The following MRPS2 variants were observed in gnomAD, a reference collection of about 807,000 sequenced individuals.
MRPS2 encodes the protein small ribosomal subunit protein uS2m.
A neutral mutation model predicts 18.9 loss-of-function variants in MRPS2; 13 were observed. The ratio of observed to expected loss-of-function variants is 0.69; its 90% CI spans 0.45 to 1.09. MRPS2 has a LOEUF of 1.09. Ranked by LOEUF, MRPS2 falls within the 50% of genes least tolerant of loss-of-function variation. MRPS2 has a pLI of 0.00. For missense variants in MRPS2, 389 were observed against 421.7 expected (o/e 0.92, Z 0.68); for synonymous variants, 186 against 178.4 (o/e 1.04, Z -0.34).
chr9:135,504,091 G>T lies in MRPS2; in HGVS notation c.849G>T (p.Gly283=). The change falls in exon 4 of 4, where the codon GGG becomes GGT. Residue 283 remains glycine (G), a synonymous_variant. Coordinates refer to ENST00000241600, the MANE Select transcript of MRPS2 (RefSeq NM_016034.5). This position sits in a 1 kb window ranked among gnomAD's most constrained non-coding sequence, Gnocchi z 4.3. ...LQGQKEPGDQ[G]PAHPPGADMS... Reference sequence around the variant, plus strand: ...GCCAGAAGGAGCCCGGGGACCAGGGGCCAGCCCACCCTCCTGGGGCTGACA... The same window carrying T: ...GCCAGAAGGAGCCCGGGGACCAGGGTCCAGCCCACCCTCCTGGGGCTGACA... 2 of 1,611,638 alleles carry T rather than the reference G, an allele frequency of 1.2e-6. No homozygotes were observed. The highest frequency in any genetic ancestry group is 2.2e-5 in the South Asian group (2 of 91,018).
rs985341290 is a variant in MRPS2, at chr9:135,501,343, G to A, written c.169+220G>A. On this transcript the variant is annotated intron_variant, in intron 2 of 3. Coordinates refer to ENST00000241600, the MANE Select transcript of MRPS2 (RefSeq NM_016034.5). ...ATGGATAGGGTGAGAGGGAGCGGGC[G>A]GGCCAGTGGTTAGCACAGGCTTCGC... 9 of 1,403,520 alleles carry A rather than the reference G, an allele frequency of 6.4e-6. No homozygotes were observed. The African/African-American group carries it at 1.0e-4, about 16-fold the overall frequency. 86.9% of individuals were successfully genotyped at this position (1,403,520 alleles called of 1,614,324 possible). A position where few individuals can be genotyped will look rare whatever the true frequency, so the allele number is the denominator to read the frequency against.
upstream of MRPS2, chr9:135,500,070 C>T (rs1331216421): frequency 9.3e-6 from 5 of 539,226 alleles, no homozygotes; most frequent in East Asian, 1.7e-4. Flanking sequence ...CAGCCCCAGG[C>T]CCCCAGCCAC....
upstream of MRPS2, chr9:135,500,122 C>T: frequency 4.3e-6 from 2 of 463,796 alleles, no homozygotes; most frequent in South Asian, 6.8e-5. Flanking sequence ...GGCGTGGACT[C>T]CCGGGCGAAA....
Position 135,501,949 on chromosome 9 carries a change from G to T in MRPS2, c.275G>T (p.Gly92Val), listed in dbSNP as rs1012491969. Residue 92 changes from glycine to valine, a missense_variant, in exon 3 of 4, where the codon GGA becomes GTA. Transcript: ENST00000241600. ...RSLFDARVHL[G>V]HKAGCRHRFM... Reference sequence around the variant, plus strand: ...CTCTTCGATGCCCGAGTCCATCTGGGACACAAAGCTGGCTGTCGGCACAGG... The same window carrying T: ...CTCTTCGATGCCCGAGTCCATCTGGTACACAAAGCTGGCTGTCGGCACAGG... 6.2e-7 allele frequency: 1 copy of T among 1,613,708 alleles called. No individual in the cohort carries two copies. The highest frequency in any genetic ancestry group is 8.5e-7 in the Non-Finnish European group (1 of 1,180,000).
At chr9:135,501,500 G>A in intron 2 of MRPS2, 1 of 807,948 alleles carries the variant, frequency 1.2e-6, no homozygotes, top group Non-Finnish European at 1.7e-6. Context: ...CTTTCTGGCT[G>A]GCCACCTGAG....
chr9:135,500,946 G>A, intron 1 of MRPS2, 52 bp from the exon 2 acceptor site: 1 of 1,604,712 alleles, frequency 6.2e-7, no homozygotes, highest in Non-Finnish European at 8.5e-7. Flanking sequence ...GTGGGGAGCG[G>A]GCGTGGTGCA....
rs767962017 is a variant in MRPS2 at position 135,501,076 on chromosome 9, T to G, written c.122T>G (p.Leu41Arg). Residue 41 changes from leucine (L) to arginine (R), a missense_variant, in exon 2 of 4, where the codon CTT becomes CGT. Physicochemically the swap from Leu to Arg is moderately radical, Grantham distance 102 (BLOSUM62 -2). Transcript: ENST00000241600. ...PRPARPSRRT[L>R]GSATALMIRE... is the part of the protein sequence containing the mutation. ...CCTGCTCGGCCGAGCCGCAGGACGC[T>G]TGGAAGCGCGACGGCCCTTATGATC... The G allele has an allele frequency of 1.2e-6, 2 of 1,609,740 alleles. No homozygotes were observed. The highest frequency in any genetic ancestry group is 4.5e-5 in the East Asian group (2 of 44,756).
At chr9:135,503,042 C>T (rs2119363406) in intron 3 of MRPS2, 1 of 949,968 alleles carries the variant, frequency 1.1e-6, no homozygotes, top group Non-Finnish European at 1.3e-6. Context: ...CCGCTTTTCT[C>T]AGCCCAGGCC....
Position 135,504,144 on chromosome 9 carries a change from C to G in MRPS2, c.*11C>G, listed in dbSNP as rs1291560545. On this transcript the variant is annotated 3_prime_UTR_variant, in exon 4 of 4. Coordinates refer to ENST00000241600, the MANE Select transcript of MRPS2 (RefSeq NM_016034.5). The surrounding 1 kb of genome is among the most constrained non-coding windows in gnomAD (Gnocchi z 4.3). ...AGCCATTCCCTGTGATGTTCACTCT[C>G]CTCCCAAAGCAAACCACAGCCAAGC... 1.9e-6 allele frequency: 3 copies of G among 1,568,014 alleles called. No individual in the cohort carries two copies. Among genetic ancestry groups the G allele is most frequent in the Non-Finnish European group, 2.6e-6 (3 of 1,160,958 alleles).
rs948222530 is a variant in MRPS2 at position 135,502,169 on chromosome 9, T to G, written c.299+196T>G. On this transcript the variant is annotated intron_variant, in intron 3 of 3. Transcript: ENST00000241600. Reference sequence around the variant, plus strand: ...AGCTTGGCGGACGCTCTTGTGTGCCTTGGTGTGGCGCTCACAGCCCTTGAT... The same window carrying G: ...AGCTTGGCGGACGCTCTTGTGTGCCGTGGTGTGGCGCTCACAGCCCTTGAT... 2.9e-6 allele frequency: 4 copies of G among 1,389,144 alleles called. No homozygotes were observed. In the East Asian group the frequency reaches 1.1e-4, roughly 39 times the overall value. The allele number at this position is 1,389,144 out of a possible 1,614,324, so 86.1% of individuals were successfully genotyped here. A position where few individuals can be genotyped will look rare whatever the true frequency, so the allele number is the denominator to read the frequency against.
chr9:135,501,948 G>A lies in MRPS2; in HGVS notation c.274G>A (p.Gly92Arg). Residue 92 changes from glycine to arginine, a missense_variant, in exon 3 of 4, where the codon GGA becomes AGA. Transcript: ENST00000241600. ...RSLFDARVHL[G>R]HKAGCRHRFM... ...CCTCTTCGATGCCCGAGTCCATCTG[G>A]GACACAAAGCTGGCTGTCGGCACAG... 1 of 1,613,660 alleles carries A rather than the reference G, an allele frequency of 6.2e-7. No individual in the cohort carries two copies. Among genetic ancestry groups the A allele is most frequent in the Non-Finnish European group, 8.5e-7 (1 of 1,179,984 alleles).
Position 135,504,447 on chromosome 9 carries a change from C to A in MRPS2, c.*314C>A. On this transcript the variant is annotated 3_prime_UTR_variant, in exon 4 of 4. Transcript: ENST00000241600. This position sits in a 1 kb window ranked among gnomAD's most constrained non-coding sequence, Gnocchi z 4.3. ...TGCTGTCCCTGTGATCCCAGCAGCCCTCCCTTCACCGTGACCCCTGACCTT... is the reference window on the plus strand; with the variant it reads ...TGCTGTCCCTGTGATCCCAGCAGCCATCCCTTCACCGTGACCCCTGACCTT... 1 of 389,968 alleles carries A rather than the reference C, an allele frequency of 2.6e-6. No homozygotes were observed. Among genetic ancestry groups the A allele is most frequent in the Non-Finnish European group, 4.6e-6 (1 of 216,448 alleles). 24.2% of individuals were successfully genotyped at this position (389,968 alleles called of 1,614,324 possible).
intron 1 of MRPS2, 79 bp downstream of exon 1, chr9:135,500,832 G>A: frequency 6.7e-7 from 1 of 1,490,384 alleles, no homozygotes; most frequent in Non-Finnish European, 8.9e-7. Flanking sequence ...ATGGAGCGGC[G>A]GGGACGTGGA....
chr9:135,501,915 G>A lies in MRPS2; in HGVS notation c.241G>A (p.Val81Met). ...CTTCAATGTCAAGGAACTGTTTTCCGTGAGAAGCCTCTTCGATGCCCGAGT... is the reference window on the plus strand; with the variant it reads ...CTTCAATGTCAAGGAACTGTTTTCCATGAGAAGCCTCTTCGATGCCCGAGT... ...DFFNVKELFS[V>M]RSLFDARVHL... is the part of the protein sequence containing the mutation. Residue 81 changes from valine to methionine, a missense_variant, in exon 3 of 4, where the codon GTG (valine) becomes ATG (methionine). Physicochemically the swap from Val to Met is conservative, Grantham distance 21. Coordinates refer to ENST00000241600, the MANE Select transcript of MRPS2 (RefSeq NM_016034.5). 1 of 1,613,840 alleles carries A rather than the reference G, an allele frequency of 6.2e-7. No individual in the cohort carries two copies. Among genetic ancestry groups the A allele is most frequent in the African/African-American group, 1.3e-5 (1 of 75,052 alleles).
At chr9:135,500,819 C>G in intron 1 of MRPS2, 66 bp downstream of exon 1, 1 of 1,489,434 alleles carries the variant, frequency 6.7e-7, no homozygotes, top group Non-Finnish European at 8.9e-7. Context: ...GCGCGGGGAC[C>G]CGATGGAGCG....
At chr9:135,501,569 TCTC>T in intron 2 of MRPS2, 2 of 1,094,390 alleles carry the variant, frequency 1.8e-6, no homozygotes, top group South Asian at 4.1e-5. Flanking sequence ...CCTCTCTTTT[TCTC>T]CTCTGTCTTC....
In MRPS2 at chr9:135,501,518, G is replaced by A. The variant is rs538666526; in HGVS notation, c.170-326G>A. On this transcript the variant is annotated intron_variant, in intron 2 of 3. Coordinates refer to ENST00000241600, the MANE Select transcript of MRPS2 (RefSeq NM_016034.5). ...TCTGGCTGGCCACCTGAGACCACAA[G>A]GCGGGGAGGTGCCAGAAAGACCTGA... The A allele has an allele frequency of 7.3e-6, 6 of 818,966 alleles. No homozygotes were observed. In the Admixed American group the frequency reaches 1.7e-4, roughly 23 times the overall value. The allele number at this position is 818,966 out of a possible 1,614,324, so 50.7% of individuals were successfully genotyped here.
upstream of MRPS2, chr9:135,500,601 G>T: frequency 8.2e-7 from 1 of 1,222,784 alleles, no homozygotes; most frequent in Non-Finnish European, 1.1e-6. Context: ...ACAGCGCTGT[G>T]GCTCCTCCGG....
intron 3 of MRPS2, chr9:135,502,356 G>A: frequency 1.2e-6 from 1 of 819,890 alleles, no homozygotes; most frequent in Non-Finnish European, 1.5e-6. Context: ...TTTGACTGCT[G>A]TGGGGGGAGG....
Sources: allele counts gnomAD v4.1 joint callset, GRCh38; gene constraint gnomAD v4.1.1; non-coding constraint Gnocchi (gnomAD v3.1); transcripts MANE v1.5; gene names NCBI Gene and HGNC (gene_info 2026-07-23, HGNC 2026-07-21).